MCEE: variants seen among roughly 807,000 people sequenced by gnomAD.
MCEE encodes the protein methylmalonyl-CoA epimerase, also known as methylmalonyl-CoA epimerase, mitochondrial.
A neutral mutation model predicts 12.9 loss-of-function variants in MCEE; 6 were observed. The ratio of observed to expected loss-of-function variants is 0.47; its 90% confidence interval spans 0.26 to 0.92. MCEE has a LOEUF of 0.92. Among genes scored for constraint, MCEE ranks in the 40% least tolerant of loss-of-function variants. The pLI, the probability that MCEE is intolerant of heterozygous loss-of-function variation, is 0.16. For synonymous variants in MCEE, 78 were observed against 77.9 expected (o/e 1.00, Z -0.01); for missense variants, 214 against 212.1 (o/e 1.01, Z -0.05).
intron 2 of MCEE, among the ~76,000 whole-genome samples, chr2:71,118,815 A>C (rs919049160): frequency 6.7e-6 from 1 of 150,040 alleles, no homozygotes; most frequent in Non-Finnish European, 1.5e-5. Context: ...CTGGCCTCCC[A>C]TGCTGATGCC....
At chr2:71,112,893 T>C (rs1287824247) in intron 2 of MCEE, among the ~76,000 whole-genome samples, 1 of 152,254 alleles carries the variant, frequency 6.6e-6, no homozygotes, top group East Asian at 1.9e-4. Flanking sequence ...ACTCCAACTA[T>C]ATTCTGCTAG....
chr2:71,130,010 C>G, intron 1 of MCEE, 170 bp downstream of exon 1: 1 of 709,352 alleles, frequency 1.4e-6, no homozygotes, highest in Non-Finnish European at 2.6e-6. Context: ...TAAGCGGTGG[C>G]GCTTCTGGAA....
intron 2 of MCEE, among the ~76,000 whole-genome samples, chr2:71,120,326 A>G (rs1673074809): frequency 6.7e-6 from 1 of 150,114 alleles, no homozygotes; most frequent in African/African-American, 2.5e-5. Context: ...CGCAGAAGGC[A>G]GGGAAGGTGA....
intron 2 of MCEE, among the ~76,000 whole-genome samples, chr2:71,123,763 T>C (rs1198534278): frequency 6.6e-6 from 1 of 152,250 alleles, no homozygotes; most frequent in African/African-American, 2.4e-5. Context: ...ATTGACTTTG[T>C]AATAACGAAG....
At chr2:71,126,773 T>C (rs1426015374) in intron 1 of MCEE, among the ~76,000 whole-genome samples, 2 of 152,210 alleles carry the variant, frequency 1.3e-5, no homozygotes, top group Non-Finnish European at 2.9e-5. Context: ...TAGAAACTTT[T>C]TTCCAGCTTG....
At position 71,118,948 on chromosome 2, in the gene MCEE, G is replaced by A. The variant is rs143106125; in HGVS notation, c.378+5258C>T. ...TGGGCACTCAGTCTCTGGCTTCCCC[G>A]GGGCAGGCAGCTCTCACTCATGGAT... On this transcript the variant is annotated intron_variant, in intron 2 of 2. Transcript: ENST00000244217. 3.1e-4 allele frequency among the ~76,000 whole-genome samples: 47 copies of A among 149,460 alleles called. No homozygotes were observed. In the East Asian group the frequency reaches 5.8e-3, roughly 19 times the overall value.
chr2:71,122,717 C>T (rs1673123706), intron 2 of MCEE, among the ~76,000 whole-genome samples: 3 of 152,196 alleles, frequency 2.0e-5, no homozygotes, highest in Non-Finnish European at 2.9e-5. Flanking sequence ...CCTCCCACAA[C>T]ATGTGGGAAT....
At chr2:71,123,492 CAAAA>C (rs58746349) in intron 2 of MCEE, among the ~76,000 whole-genome samples, 2 of 104,012 alleles carry the variant, frequency 1.9e-5, no homozygotes, top group Non-Finnish European at 4.3e-5. Flanking sequence ...GACTCCGTCT[CAAAA>C]AAAAAAAAAA....
chr2:71,110,201 C>T lies in MCEE; in HGVS notation c.379-79G>A, dbSNP rs1672860191. On this transcript the variant is annotated intron_variant, in intron 2 of 2. Transcript: ENST00000244217. Reference sequence around the variant, plus strand: ...ATAGTATCATAAGACTTAGAAAAAACTTTGAGAGCTCATGCAGTCTATCTC... The same window carrying T: ...ATAGTATCATAAGACTTAGAAAAAATTTTGAGAGCTCATGCAGTCTATCTC... 1.4e-5 allele frequency: 18 copies of T among 1,266,630 alleles called. No homozygotes were observed. In the South Asian group the frequency reaches 2.1e-4, roughly 15 times the overall value. The allele number at this position is 1,266,630 out of a possible 1,614,324, so 78.5% of individuals were successfully genotyped here. A position where few individuals can be genotyped will look rare whatever the true frequency, so the allele number is the denominator to read the frequency against.
intron 2 of MCEE, among the ~76,000 whole-genome samples, chr2:71,112,433 CTT>C (rs71400979): frequency 0.038 from 3,071 of 81,056 alleles, 82 homozygotes; most frequent in African/African-American, 0.14. Flanking sequence ...CTGCACCTGC[CTT>C]TTTTTTTTTT....
chr2:71,111,200 A>C (rs1427712174), intron 2 of MCEE, among the ~76,000 whole-genome samples: 1 of 152,144 alleles, frequency 6.6e-6, no homozygotes, highest in African/African-American at 2.4e-5. Context: ...TCAAAGTCAC[A>C]CGTGCCTAGA....
intron 1 of MCEE, among the ~76,000 whole-genome samples, chr2:71,128,006 C>A (rs1673275501): frequency 6.6e-6 from 1 of 152,194 alleles, no homozygotes; most frequent in Non-Finnish European, 1.5e-5. Context: ...GAAGTGCTTT[C>A]AAGTTAGTCT....
intron 2 of MCEE, among the ~76,000 whole-genome samples, chr2:71,115,971 A>AG (rs570507775): frequency 5.9e-4 from 89 of 149,748 alleles, no homozygotes; most frequent in Non-Finnish European, 1.0e-3. Flanking sequence ...AATTTAAAAA[A>AG]GGGGGGGGTT....
intron 2 of MCEE, among the ~76,000 whole-genome samples, chr2:71,111,597 C>T (rs1672886444): frequency 6.6e-6 from 1 of 152,148 alleles, no homozygotes; most frequent in Admixed American, 6.5e-5. Flanking sequence ...TTCTAGCTTC[C>T]TAACATGCGT....
intron 1 of MCEE, among the ~76,000 whole-genome samples, chr2:71,129,331 C>T (rs143809118): frequency 2.0e-5 from 3 of 152,172 alleles, no homozygotes; most frequent in African/African-American, 7.2e-5. Flanking sequence ...TGTGTATCAC[C>T]TAAGAGGAAG....
At chr2:71,121,178 T>G (rs1673094048) in intron 2 of MCEE, among the ~76,000 whole-genome samples, 1 of 152,134 alleles carries the variant, frequency 6.6e-6, no homozygotes, top group Non-Finnish European at 1.5e-5. Flanking sequence ...TTCCCCAGCC[T>G]CCCTTGCAGA....
intron 2 of MCEE, among the ~76,000 whole-genome samples, chr2:71,122,602 G>A (rs952198431): frequency 2.2e-4 from 34 of 152,254 alleles, no homozygotes; most frequent in African/African-American, 7.0e-4. Flanking sequence ...GATTGGGCAG[G>A]GAAAATCCCC....
chr2:71,113,710 T>A (rs1672935919), intron 2 of MCEE, among the ~76,000 whole-genome samples: 1 of 152,156 alleles, frequency 6.6e-6, no homozygotes. Context: ...AAAATAAATA[T>A]CCACAAGTCC....
At chr2:71,118,824 C>T (rs1673044203) in intron 2 of MCEE, among the ~76,000 whole-genome samples, 1 of 149,966 alleles carries the variant, frequency 6.7e-6, no homozygotes, top group South Asian at 2.1e-4. Context: ...CATGCTGATG[C>T]CCTCCTCACT....
Sources: gnomAD v4.1 joint callset for allele counts (sites outside exome capture counted in the v4.1 genomes callset) on GRCh38, gnomAD v4.1.1 for gene constraint, MANE v1.5 for transcripts, NCBI Gene and HGNC (gene_info 2026-07-23, HGNC 2026-07-21) for gene names.